LRRC4C: variants seen among roughly 807,000 people sequenced by gnomAD.
The protein encoded by LRRC4C is leucine rich repeat containing 4C, also known as leucine-rich repeat-containing protein 4C.
A neutral mutation model predicts 33.6 loss-of-function variants in LRRC4C; 5 were observed. The ratio of observed to expected loss-of-function variants is 0.15; its 90% CI spans 0.08 to 0.31. The LOEUF (loss-of-function observed/expected upper bound fraction) is 0.31, where lower values mean the gene tolerates loss of function less well. Ranked by LOEUF, LRRC4C falls within the 10% of genes least tolerant of loss-of-function variation. The pLI is 1.00. For missense variants in LRRC4C, 560 were observed against 796.7 expected (o/e 0.70, Z 3.58); for synonymous variants, 329 against 302.0 (o/e 1.09, Z -0.93).
At chr11:40,398,416 C>T (rs1296211931) in intron 3 of LRRC4C, among the ~76,000 whole-genome samples, 1 of 151,976 alleles carries the variant, frequency 6.6e-6, no homozygotes, top group Non-Finnish European at 1.5e-5. Flanking sequence ...TGAGTTTCCA[C>T]TGTGATCCAA....
chr11:40,836,759 A>G (rs183742539), intron 2 of LRRC4C, among the ~76,000 whole-genome samples: 1 of 152,250 alleles, frequency 6.6e-6, no homozygotes, highest in Admixed American at 6.5e-5. Context: ...CCTTGTTCTA[A>G]AAAATCACCT....
chr11:40,844,857 C>A (rs1241072364), intron 2 of LRRC4C, among the ~76,000 whole-genome samples: 2 of 152,054 alleles, frequency 1.3e-5, no homozygotes, highest in African/African-American at 4.8e-5. Context: ...TCTTACCACA[C>A]ACAAAAAATG....
chr11:40,436,381 A>G (rs762585373), intron 3 of LRRC4C, among the ~76,000 whole-genome samples: 19 of 152,218 alleles, frequency 1.2e-4, no homozygotes, highest in Non-Finnish European at 1.8e-4. Flanking sequence ...CACATGAAAC[A>G]TAACTCCTGC....
intron 2 of LRRC4C, among the ~76,000 whole-genome samples, chr11:40,886,983 C>A (rs945941664): frequency 1.4e-5 from 2 of 142,054 alleles, no homozygotes; most frequent in South Asian, 4.3e-4. Flanking sequence ...TATATATATA[C>A]GTGTATATAT....
chr11:41,271,988 A>G (rs1028468446), intron 1 of LRRC4C, among the ~76,000 whole-genome samples: 3 of 152,308 alleles, frequency 2.0e-5, no homozygotes, highest in African/African-American at 7.2e-5. Flanking sequence ...CAAAGAGGCT[A>G]AATGGCTTTC....
At chr11:40,898,560 A>G (rs987576067) in intron 2 of LRRC4C, among the ~76,000 whole-genome samples, 38 of 151,962 alleles carry the variant, frequency 2.5e-4, no homozygotes, top group African/African-American at 8.7e-4. Context: ...CACACTCACA[A>G]AAAGAAAAGA....
Position 40,756,028 on chromosome 11 carries a change from A to G in LRRC4C, c.-406-107750T>C, listed in dbSNP as rs557197633. ...CTTCCTGATAAGAAGAAATTTGGGT[A>G]CACAGAAAAACAACAGGCATGCAAG... On this transcript the variant is annotated intron_variant, in intron 2 of 6. Coordinates refer to ENST00000528697, the MANE Select transcript of LRRC4C (RefSeq NM_001258419.2). Among the ~76,000 whole-genome samples, 4 of 152,094 alleles carry G rather than the reference A, an allele frequency of 2.6e-5. No individual in the cohort carries two copies. The South Asian group carries it at 8.3e-4, about 32-fold the overall frequency.
chr11:41,120,788 G>A (rs547130571), intron 1 of LRRC4C, among the ~76,000 whole-genome samples: 6 of 152,262 alleles, frequency 3.9e-5, no homozygotes, highest in Admixed American at 3.3e-4. Context: ...GAGGGACCTG[G>A]TGGAAGGTGA....
chr11:40,213,601 T>C (rs550454560), intron 5 of LRRC4C, among the ~76,000 whole-genome samples: 3 of 152,274 alleles, frequency 2.0e-5, no homozygotes, highest in Non-Finnish European at 4.4e-5. Context: ...TCTTCTGTCA[T>C]AAAATCAGAA....
At chr11:40,379,640 C>T (rs1161664473) in intron 3 of LRRC4C, among the ~76,000 whole-genome samples, 3 of 152,108 alleles carry the variant, frequency 2.0e-5, no homozygotes, top group Non-Finnish European at 1.5e-5. Context: ...TCTGATATCC[C>T]CTTCTTTCTG....
At chr11:40,632,249 A>G (rs138012367) in intron 3 of LRRC4C, among the ~76,000 whole-genome samples, 7 of 152,336 alleles carry the variant, frequency 4.6e-5, no homozygotes, top group African/African-American at 1.7e-4. Context: ...AGACTCAAAA[A>G]TAAATATTTT....
chr11:40,233,740 A>AAG (rs1186062490), intron 5 of LRRC4C, among the ~76,000 whole-genome samples: 1 of 152,212 alleles, frequency 6.6e-6, no homozygotes, highest in Non-Finnish European at 1.5e-5. Context: ...TTAAATAAGC[A>AAG]AGAGTTTTAA....
chr11:41,307,049 C>T (rs1257587917), intron 1 of LRRC4C, among the ~76,000 whole-genome samples: 2 of 152,068 alleles, frequency 1.3e-5, no homozygotes, highest in African/African-American at 4.8e-5. Context: ...AATTCTCTCA[C>T]AATATGATAT....
chr11:41,155,331 C>T (rs1401630594), intron 1 of LRRC4C, among the ~76,000 whole-genome samples: 2 of 152,062 alleles, frequency 1.3e-5, no homozygotes, highest in Admixed American at 1.3e-4. Flanking sequence ...TTGAAGTTCC[C>T]TTAGCAAGAA....
intron 3 of LRRC4C, among the ~76,000 whole-genome samples, chr11:40,427,938 TG>T (rs1350045637): frequency 6.6e-6 from 1 of 152,216 alleles, no homozygotes; most frequent in Admixed American, 6.5e-5. Context: ...AAAGTCTCTA[TG>T]CTTCTTTCAA....
Position 40,221,706 on chromosome 11 carries a change from C to T in LRRC4C, c.-96+19813G>A, listed in dbSNP as rs185456506. 7.2e-5 allele frequency among the ~76,000 whole-genome samples: 11 copies of T among 152,234 alleles called. No homozygotes were observed. The East Asian group carries it at 1.7e-3, about 24-fold the overall frequency. On this transcript the variant is annotated intron_variant, in intron 5 of 6. Transcript: ENST00000528697. ...GTTAAAGATTGACCCCTGACCTAAT[C>T]GGTTATGCTATCTATAGATTAAAGA...
chr11:40,981,527 G>A (rs1852541743), intron 1 of LRRC4C, among the ~76,000 whole-genome samples: 1 of 152,154 alleles, frequency 6.6e-6, no homozygotes, highest in African/African-American at 2.4e-5. Context: ...CACTGTAAGT[G>A]GCTTCTCAAC....
intron 6 of LRRC4C, among the ~76,000 whole-genome samples, chr11:40,131,483 G>T (rs549761752): frequency 9.9e-5 from 15 of 152,236 alleles, no homozygotes; most frequent in African/African-American, 3.6e-4. Context: ...TGTATATTAT[G>T]TATGCTCAAT....
chr11:40,420,528 A>T (rs1490287626), intron 3 of LRRC4C, among the ~76,000 whole-genome samples: 4 of 152,052 alleles, frequency 2.6e-5, no homozygotes, highest in East Asian at 1.9e-4. Flanking sequence ...TCCTTTATTT[A>T]AAAAAAATTG....
Sources: gnomAD v4.1 joint callset for allele counts (sites outside exome capture counted in the v4.1 genomes callset) on GRCh38, gnomAD v4.1.1 for gene constraint, MANE v1.5 for transcripts, NCBI Gene and HGNC (gene_info 2026-07-23, HGNC 2026-07-21) for gene names.